The following TYW1 variants were observed in gnomAD, a reference collection of about 807,000 sequenced individuals.
TYW1 encodes S-adenosyl-L-methionine-dependent tRNA 4-demethylwyosine synthase TYW1.
A neutral mutation model predicts 96.2 loss-of-function variants in TYW1; 46 were observed. The observed-to-expected ratio is 0.48, with a 90% CI of 0.38 to 0.61. TYW1 has a LOEUF of 0.61. Ranked by LOEUF, TYW1 falls within the 20% of genes least tolerant of loss-of-function variation. TYW1 has a pLI of 0.00. For synonymous variants in TYW1, 274 were observed against 323.0 expected (o/e 0.85, Z 1.63); for missense variants, 684 against 909.6 (o/e 0.75, Z 3.19).
At chr7:67,139,771 G>GTT (rs1491017063) in intron 13 of TYW1, among the ~76,000 whole-genome samples, 1 of 145,132 alleles carries the variant, frequency 6.9e-6, no homozygotes, top group African/African-American at 2.6e-5. Flanking sequence ...GTGTGTGTGT[G>GTT]TATGCCCAAA....
chr7:67,195,110 T>G, intron 14 of TYW1, 60 bp from the exon 15 acceptor site: 1 of 1,562,380 alleles, frequency 6.4e-7, no homozygotes, highest in South Asian at 1.2e-5. Context: ...TCTGAAAGTC[T>G]TCTTCTATGA....
At chr7:67,019,873 G>C (rs1344321235) in intron 6 of TYW1, among the ~76,000 whole-genome samples, 1 of 152,298 alleles carries the variant, frequency 6.6e-6, no homozygotes, top group Admixed American at 6.5e-5. Flanking sequence ...ATGAGGTATG[G>C]TGTGCAATGC....
intron 15 of TYW1, among the ~76,000 whole-genome samples, 176 bp from the exon 16 acceptor site, chr7:67,238,132 G>T (rs13230118): frequency 6.7e-6 from 1 of 149,946 alleles, no homozygotes; most frequent in Non-Finnish European, 1.5e-5. Flanking sequence ...GCGCATCTTG[G>T]TTTGATAGGA....
Position 67,227,611 on chromosome 7 carries a change from G to T in TYW1, c.1978-10697G>T, listed in dbSNP as rs574274659. On this transcript the variant is annotated intron_variant, in intron 15 of 15. Transcript: ENST00000359626. Reference sequence around the variant, plus strand: ...TGGTTTCATATAGTTGGGGCTTTGGGCCATGCAGTTATTGGCTCAACCTCT... The same window carrying T: ...TGGTTTCATATAGTTGGGGCTTTGGTCCATGCAGTTATTGGCTCAACCTCT... 6.6e-5 allele frequency among the ~76,000 whole-genome samples: 10 copies of T among 151,964 alleles called. No homozygotes were observed. In the East Asian group the frequency reaches 1.9e-3, roughly 29 times the overall value.
intron 7 of TYW1, among the ~76,000 whole-genome samples, chr7:67,028,865 G>A (rs1268325539): frequency 1.3e-5 from 2 of 152,148 alleles, no homozygotes; most frequent in African/African-American, 2.4e-5. Flanking sequence ...CAACTCTGTC[G>A]AATACTGGTT....
At chr7:67,060,602 A>G (rs1164659326) in intron 9 of TYW1, among the ~76,000 whole-genome samples, 1 of 152,256 alleles carries the variant, frequency 6.6e-6, no homozygotes, top group African/African-American at 2.4e-5. Flanking sequence ...TTGTAATATT[A>G]GAAACAGCAC....
chr7:67,204,504 CTTTTTTTATTTT>C, intron 15 of TYW1, among the ~76,000 whole-genome samples: 1 of 151,354 alleles, frequency 6.6e-6, no homozygotes, highest in African/African-American at 2.4e-5. Flanking sequence ...TCCTTCTTCT[CTTTTTTTATTTT>C]CCTTCTTCTT....
chr7:67,205,387 G>C (rs529405408), intron 15 of TYW1, among the ~76,000 whole-genome samples: 21 of 128,504 alleles, frequency 1.6e-4, no homozygotes, highest in South Asian at 7.1e-4. Flanking sequence ...GGATGGAGGC[G>C]GGGGGGGGGC....
At chr7:67,007,195 G>A (rs557846176) in intron 3 of TYW1, among the ~76,000 whole-genome samples, 68 of 152,028 alleles carry the variant, frequency 4.5e-4, no homozygotes, top group African/African-American at 1.6e-3. Context: ...TTGGCCATGA[G>A]CCAATTCTTC....
intron 15 of TYW1, among the ~76,000 whole-genome samples, chr7:67,237,390 C>T (rs536899996): frequency 6.6e-6 from 1 of 151,862 alleles, no homozygotes; most frequent in African/African-American, 2.4e-5. Context: ...GTCCCAGCTA[C>T]TCGGGAGGCT....
Position 67,239,032 on chromosome 7 carries a change from A to C in TYW1, c.*503A>C. On this transcript the variant is annotated 3_prime_UTR_variant, in exon 16 of 16. Coordinates refer to ENST00000359626, the MANE Select transcript of TYW1 (RefSeq NM_018264.4). Reference sequence around the variant, plus strand: ...TATCTTAAGACAGCACCTCCTGAAAAGAATCGAAGTTGTCACAACTCTCAA... The same window carrying C: ...TATCTTAAGACAGCACCTCCTGAAACGAATCGAAGTTGTCACAACTCTCAA... 1 of 988,438 alleles carries C rather than the reference A, an allele frequency of 1.0e-6. No individual in the cohort carries two copies. The highest frequency in any genetic ancestry group is 1.2e-6 in the Non-Finnish European group (1 of 831,562). 61.2% of individuals were successfully genotyped at this position (988,438 alleles called of 1,614,324 possible). A position where few individuals can be genotyped will look rare whatever the true frequency, so the allele number is the denominator to read the frequency against.
intron 15 of TYW1, among the ~76,000 whole-genome samples, chr7:67,197,729 A>C (rs1467938118): frequency 6.6e-6 from 1 of 152,206 alleles, no homozygotes; most frequent in Non-Finnish European, 1.5e-5. Flanking sequence ...AAGCCCTGGC[A>C]TCTGACTCCA....
rs1016776287 is a variant in TYW1 at position 67,235,754 on chromosome 7, T to C, written c.1978-2554T>C. On this transcript the variant is annotated intron_variant, in intron 15 of 15. Coordinates refer to ENST00000359626, the MANE Select transcript of TYW1 (RefSeq NM_018264.4). ...AAAATACAAAAAAAAATTAGCCAGG[T>C]GTGGTGGCAGGTGCCAGTAGTCCCA... 1.8e-3 allele frequency among the ~76,000 whole-genome samples: 266 copies of C among 150,828 alleles called. 4 individuals are homozygous for C. The highest frequency in any genetic ancestry group is 6.1e-3 in the African/African-American group (251 of 41,096).
chr7:67,104,389 A>C (rs1797177645), intron 12 of TYW1, among the ~76,000 whole-genome samples: 1 of 152,222 alleles, frequency 6.6e-6, no homozygotes, highest in Admixed American at 6.5e-5. Flanking sequence ...CAGGAGGAAG[A>C]GAATGAAGGG....
chr7:67,230,652 C>CT (rs34585182), intron 15 of TYW1, among the ~76,000 whole-genome samples: 11,896 of 119,480 alleles, frequency 0.1, 826 homozygotes, highest in African/African-American at 0.16. Context: ...CTTATTATCT[C>CT]TTTTTTTTTT....
At chr7:67,226,446 G>A (rs1801562447) in intron 15 of TYW1, among the ~76,000 whole-genome samples, 2 of 152,094 alleles carry the variant, frequency 1.3e-5, no homozygotes, top group Admixed American at 1.3e-4. Flanking sequence ...CACCCAGCTC[G>A]ATAAACTGGC....
chr7:67,178,180 C>A (rs1281252700), intron 13 of TYW1, among the ~76,000 whole-genome samples: 15 of 79,512 alleles, frequency 1.9e-4, no homozygotes, highest in African/African-American at 3.4e-4. Flanking sequence ...GAAAAAAAAA[C>A]AGGAGGTGGG....
intron 7 of TYW1, among the ~76,000 whole-genome samples, chr7:67,040,854 A>AG (rs1160947419): frequency 1.3e-5 from 2 of 151,980 alleles, no homozygotes; most frequent in Non-Finnish European, 2.9e-5. Flanking sequence ...AAAAAAAAAA[A>AG]GAAAAAGAAT....
At chr7:67,054,847 A>C (rs1695393452) in intron 8 of TYW1, among the ~76,000 whole-genome samples, 1 of 152,200 alleles carries the variant, frequency 6.6e-6, no homozygotes, top group Non-Finnish European at 1.5e-5. Flanking sequence ...AAAGGAAATG[A>C]GATTACTTTG....
Sources: gnomAD v4.1 joint callset for allele counts (sites outside exome capture counted in the v4.1 genomes callset) on GRCh38, gnomAD v4.1.1 for gene constraint, MANE v1.5 for transcripts, NCBI Gene and HGNC (gene_info 2026-07-23, HGNC 2026-07-21) for gene names.